The following TPM3 variants were observed in gnomAD, a reference collection of about 807,000 sequenced individuals.
TPM3 encodes tropomyosin alpha-3 chain.
Under a neutral mutation model 43.1 loss-of-function variants are expected in TPM3, and 16 were observed. That is an observed-to-expected ratio of 0.37 (90% confidence interval 0.25 to 0.56). TPM3 has a LOEUF of 0.56. TPM3 is among the 20% of genes least tolerant of loss of function. The pLI, the probability that TPM3 is intolerant of heterozygous loss-of-function variation, is 0.77. For missense variants in TPM3, 176 were observed against 337.2 expected (o/e 0.52, Z 3.74); for synonymous variants, 101 against 116.9 (o/e 0.86, Z 0.88).
At position 154,173,221 on chromosome 1, in the gene TPM3, A is replaced by ATTCT. The variant is rs749379005; in HGVS notation, c.378-21_378-20insAGAA. On this transcript the variant is annotated intron_variant, in intron 3 of 9. Coordinates refer to ENST00000651641, the MANE Select transcript of TPM3 (RefSeq NM_152263.4). ...ATACCTCTGCCAGAAATAGGACAAA[A>ATTCT]GCAATACTGACACCCTGAGGAGTGT... The ATTCT allele has an allele frequency of 1.1e-5, 17 of 1,602,850 alleles. No individual in the cohort carries two copies. The highest frequency in any genetic ancestry group is 1.5e-5 in the Non-Finnish European group (17 of 1,170,736).
chr1:154,183,269 C>T (rs935136358), intron 2 of TPM3: 3 of 1,518,420 alleles, frequency 2.0e-6, no homozygotes, highest in African/African-American at 2.7e-5. Flanking sequence ...CCGCGCCCTC[C>T]CACCGCCAGG....
chr1:154,188,465 GGA>G (rs1256299310), intron 2 of TPM3, among the ~76,000 whole-genome samples: 1 of 151,072 alleles, frequency 6.6e-6, no homozygotes, highest in East Asian at 1.9e-4. Flanking sequence ...CACAAGGTGA[GGA>G]GATCGAGACC....
rs1360989043 is a variant in TPM3, at chr1:154,191,205, G to A, written c.224C>T (p.Ala75Val). 1 of 1,613,960 alleles carries A rather than the reference G, an allele frequency of 6.2e-7. No homozygotes were observed. Among genetic ancestry groups the A allele is most frequent in the African/African-American group, 1.3e-5 (1 of 74,890 alleles). Reference protein sequence around the residue: ...LKDAQEKLELAEKKAADAEAE... With the variant: ...LKDAQEKLELVEKKAADAEAE... ...ACTCACATCAGCAGCCTTCTTCTCTGCCAGTTCCAGCTTCTCCTGGGCATC... is the reference window on the plus strand; with the variant it reads ...ACTCACATCAGCAGCCTTCTTCTCTACCAGTTCCAGCTTCTCCTGGGCATC... The change falls in exon 2 of 10, where the codon GCA (alanine) becomes GTA (valine). Residue 75 changes from alanine to valine, a missense_variant. Coordinates refer to ENST00000651641, the MANE Select transcript of TPM3 (RefSeq NM_152263.4).
Position 154,162,468 on chromosome 1 carries a change from T to C in TPM3, c.*5469A>G, listed in dbSNP as rs1317593975. 2.0e-5 allele frequency among the ~76,000 whole-genome samples: 3 copies of C among 151,082 alleles called. No homozygotes were observed. Among genetic ancestry groups the C allele is most frequent in the Non-Finnish European group, 2.9e-5 (2 of 67,896 alleles). ...GATTTGGTTGGGGCTAAGATAAAGC[T>C]GCCAAACAGAATAGGTCTAAGATAA... On this transcript the variant is annotated 3_prime_UTR_variant, in exon 10 of 10. Coordinates refer to ENST00000651641, the MANE Select transcript of TPM3 (RefSeq NM_152263.4).
At chr1:154,171,325 T>TA in intron 6 of TPM3, 88 bp downstream of exon 6, 1 of 1,370,910 alleles carries the variant, frequency 7.3e-7, no homozygotes, top group Non-Finnish European at 1.0e-6. Flanking sequence ...CACTGGATTA[T>TA]ATATGGAATG....
At chr1:154,168,189 G>A (rs895420380) in intron 9 of TPM3, among the ~76,000 whole-genome samples, 1 of 152,184 alleles carries the variant, frequency 6.6e-6, no homozygotes, top group African/African-American at 2.4e-5. Context: ...TTTTGGTGCT[G>A]TTTATCACTT....
chr1:154,191,846 T>C, intron 1 of TPM3, 56 bp downstream of exon 1: 1 of 1,597,900 alleles, frequency 6.3e-7, no homozygotes. Context: ...GAAAACTCCC[T>C]TCCATTTCAC....
chr1:154,182,412 G>C (rs902756279), intron 2 of TPM3, among the ~76,000 whole-genome samples: 3 of 152,220 alleles, frequency 2.0e-5, no homozygotes, highest in African/African-American at 7.2e-5. Flanking sequence ...TCCAGGGAGG[G>C]AGGGCACCGC....
intron 2 of TPM3, among the ~76,000 whole-genome samples, chr1:154,179,824 C>T (rs1428895010): frequency 1.3e-5 from 2 of 152,096 alleles, no homozygotes; most frequent in Non-Finnish European, 2.9e-5. Flanking sequence ...GCCTAGGCCT[C>T]CCAAAGGGCT....
chr1:154,157,469 G>C (rs1571347738), downstream of TPM3: 2 of 731,732 alleles, frequency 2.7e-6, no homozygotes, highest in Non-Finnish European at 5.0e-6. Context: ...TCCGGGAAGA[G>C]GCAGAGACAG....
chr1:154,159,991 CTT>C (rs60242183), downstream of TPM3, among the ~76,000 whole-genome samples: 15,450 of 129,646 alleles, frequency 0.12, 1,381 homozygotes, highest in African/African-American at 0.25. Context: ...AAGTTATTTC[CTT>C]TTTTTTTTTT....
intron 3 of TPM3, among the ~76,000 whole-genome samples, chr1:154,174,405 T>C (rs7536467): frequency 0.054 from 4,795 of 89,482 alleles, 582 homozygotes; most frequent in African/African-American, 0.22. Flanking sequence ...TATATATATA[T>C]ATACACACAA....
chr1:154,157,482 T>A, downstream of TPM3: 2 of 741,866 alleles, frequency 2.7e-6, no homozygotes, highest in Non-Finnish European at 4.9e-6. Flanking sequence ...AGAGACAGTT[T>A]GGCGAAAAAG....
At position 154,162,017 on chromosome 1, in the gene TPM3, G is replaced by A. The variant is rs562494896; in HGVS notation, c.*5920C>T. ...TGATAATAGCTAAAACAAAACAAAC[G>A]AAAAGGCAAGGCAGAGAACCTATTT... On this transcript the variant is annotated 3_prime_UTR_variant, in exon 10 of 10. Coordinates refer to ENST00000651641, the MANE Select transcript of TPM3 (RefSeq NM_152263.4). Among the ~76,000 whole-genome samples the A allele has an allele frequency of 8.5e-5, 13 of 152,152 alleles. No homozygotes were observed. The South Asian group carries it at 1.9e-3, about 22-fold the overall frequency.
chr1:154,168,906 C>A (rs937150002), intron 9 of TPM3, among the ~76,000 whole-genome samples: 2 of 151,074 alleles, frequency 1.3e-5, no homozygotes, highest in Non-Finnish European at 2.9e-5. Context: ...CACATCTTGG[C>A]TCACTGTAAC....
chr1:154,164,019 T>C lies in TPM3; in HGVS notation c.*3918A>G, dbSNP rs549672137. ...CCTGTACCCCATATGGATTCCCAAC[T>C]CTCTTATGTCAACCTCTCTGCCTCA... On this transcript the variant is annotated 3_prime_UTR_variant, in exon 10 of 10. Coordinates refer to ENST00000651641, the MANE Select transcript of TPM3 (RefSeq NM_152263.4). 6.6e-6 allele frequency among the ~76,000 whole-genome samples: 1 copy of C among 152,100 alleles called. No homozygotes were observed. The highest frequency in any genetic ancestry group is 1.9e-4 in the East Asian group (1 of 5,174).
At chr1:154,172,336 C>T (rs1368310486) in intron 5 of TPM3, 1 of 691,434 alleles carries the variant, frequency 1.4e-6, no homozygotes, top group Non-Finnish European at 2.7e-6. Flanking sequence ...CCAGAAGGTA[C>T]CGACGGGAGA....
At position 154,165,670 on chromosome 1, in the gene TPM3, T is replaced by C. The variant is rs1660865976; in HGVS notation, c.*2267A>G. Among the ~76,000 whole-genome samples, 1 of 151,192 alleles carries C rather than the reference T, an allele frequency of 6.6e-6. No individual in the cohort carries two copies. Among genetic ancestry groups the C allele is most frequent in the African/African-American group, 2.4e-5 (1 of 41,082 alleles). On this transcript the variant is annotated 3_prime_UTR_variant, in exon 10 of 10. Coordinates refer to ENST00000651641, the MANE Select transcript of TPM3 (RefSeq NM_152263.4). ...TGGGTGTGGTGGCAGGCGCCTGTGA[T>C]CTCAGCTACTCGGGAGGCTGAGGTG... is the stretch of plus-strand genomic sequence containing the variant.
downstream of TPM3, among the ~76,000 whole-genome samples, chr1:154,159,785 T>C (rs1013765009): frequency 1.6e-4 from 24 of 152,156 alleles, no homozygotes; most frequent in Non-Finnish European, 3.4e-4. Context: ...AAAGATAGTC[T>C]GCTGGGGGCT....
Sources: gnomAD v4.1 joint callset for allele counts (sites outside exome capture counted in the v4.1 genomes callset) on GRCh38, gnomAD v4.1.1 for gene constraint, MANE v1.5 for transcripts, NCBI Gene and HGNC (gene_info 2026-07-23, HGNC 2026-07-21) for gene names.